Variants in STX8 observed in about 807,000 individuals in gnomAD.
STX8 encodes syntaxin-8.
A neutral mutation model predicts 37.5 loss-of-function variants in STX8; 23 were observed. The ratio of observed to expected loss-of-function variants is 0.61; its 90% CI spans 0.44 to 0.87. STX8 has a LOEUF of 0.87. Among genes scored for constraint, STX8 ranks in the 40% least tolerant of loss-of-function variants. STX8 has a pLI of 0.00. For missense variants in STX8, 313 were observed against 284.7 expected (o/e 1.10, Z -0.71); for synonymous variants, 115 against 99.1 (o/e 1.16, Z -0.95).
intron 6 of STX8, among the ~76,000 whole-genome samples, chr17:9,451,701 AT>A (rs955113443): frequency 5.3e-5 from 8 of 152,098 alleles, no homozygotes; most frequent in African/African-American, 1.9e-4. Context: ...AAGTTGCTAG[AT>A]TTTTCCAAAA....
chr17:9,506,134 A>G (rs1221536830), intron 4 of STX8, among the ~76,000 whole-genome samples: 1 of 151,930 alleles, frequency 6.6e-6, no homozygotes, highest in Non-Finnish European at 1.5e-5. Flanking sequence ...CTCGCTGTCT[A>G]AGGAACAGGA....
At chr17:9,542,823 G>A (rs1376880209) in intron 4 of STX8, among the ~76,000 whole-genome samples, 1 of 152,146 alleles carries the variant, frequency 6.6e-6, no homozygotes, top group African/African-American at 2.4e-5. Context: ...GTTCGGGTTG[G>A]AAAATTCTGA....
At chr17:9,511,428 A>G (rs1042980656) in intron 4 of STX8, among the ~76,000 whole-genome samples, 5 of 152,174 alleles carry the variant, frequency 3.3e-5, no homozygotes, top group Non-Finnish European at 5.9e-5. Context: ...AATTTATCCA[A>G]TGAATGCAGG....
At position 9,351,176 on chromosome 17, in the gene STX8, CTTT is replaced by C. The variant is rs71135970; in HGVS notation, c.643+27373_643+27375del. ...CATAATAATGTAGTGATTTCCTTGT[CTTT>C]TTTTTTTTTTTTTTTTTTTTGAGAC... On this transcript the variant is annotated intron_variant, in intron 7 of 7. Coordinates refer to ENST00000306357, the MANE Select transcript of STX8 (RefSeq NM_004853.3). Among the ~76,000 whole-genome samples, 46 of 99,802 alleles carry C rather than the reference CTTT, an allele frequency of 4.6e-4. No homozygotes were observed. In the East Asian group the frequency reaches 9.8e-3, roughly 21 times the overall value. The allele number at this position is 99,802 out of a possible 152,430, so 65.5% of individuals were successfully genotyped here.
chr17:9,385,701 G>T (rs984556707), intron 6 of STX8, among the ~76,000 whole-genome samples: 1 of 152,212 alleles, frequency 6.6e-6, no homozygotes, highest in African/African-American at 2.4e-5. Context: ...CGCTGTACAA[G>T]TATTTGTCAA....
At chr17:9,301,846 C>A (rs767605966) in intron 7 of STX8, among the ~76,000 whole-genome samples, 6 of 152,182 alleles carry the variant, frequency 3.9e-5, no homozygotes, top group Middle Eastern at 6.8e-3. Flanking sequence ...TTAGGTAGGG[C>A]ATTTTAGGGT....
intron 4 of STX8, among the ~76,000 whole-genome samples, chr17:9,515,991 C>T (rs1905146872): frequency 6.6e-6 from 1 of 152,090 alleles, no homozygotes; most frequent in South Asian, 2.1e-4. Flanking sequence ...TCCCAACTCT[C>T]ATATCATCTT....
At chr17:9,504,973 CAAAA>C (rs60041570) in intron 5 of STX8, 61 bp downstream of exon 5, 30 of 708,662 alleles carry the variant, frequency 4.2e-5, no homozygotes, top group South Asian at 2.2e-4. Flanking sequence ...GACTCCGTCT[CAAAA>C]AAAAAAAAAA....
At chr17:9,568,189 C>T (rs769851793) in intron 2 of STX8, among the ~76,000 whole-genome samples, 182 bp downstream of exon 2, 4 of 152,088 alleles carry the variant, frequency 2.6e-5, no homozygotes, top group Non-Finnish European at 5.9e-5. Context: ...ATGTGTTATG[C>T]CTCATTTAGT....
At chr17:9,574,394 T>TA (rs1457083490) in intron 1 of STX8, among the ~76,000 whole-genome samples, 7 of 151,448 alleles carry the variant, frequency 4.6e-5, no homozygotes, top group African/African-American at 9.7e-5. Flanking sequence ...AAATTCATTG[T>TA]AAAAAAATCA....
intron 7 of STX8, among the ~76,000 whole-genome samples, chr17:9,315,284 C>A (rs1034143435): frequency 7.6e-4 from 111 of 146,536 alleles, no homozygotes; most frequent in African/African-American, 2.7e-3. Flanking sequence ...GTTAAAAAAA[C>A]AAAAACAACA....
At chr17:9,279,273 T>C (rs1271472361) in intron 7 of STX8, among the ~76,000 whole-genome samples, 1 of 152,064 alleles carries the variant, frequency 6.6e-6, no homozygotes, top group Non-Finnish European at 1.5e-5. Flanking sequence ...GCCAGGCTGG[T>C]CTCGAACTCC....
At chr17:9,268,994 T>C (rs145891934) in intron 7 of STX8, among the ~76,000 whole-genome samples, 3,623 of 152,094 alleles carry the variant, frequency 0.024, 140 homozygotes, top group African/African-American at 0.081. Flanking sequence ...GAGACCATCC[T>C]GGCTAAAACG....
rs185244857 is a variant in STX8, at chr17:9,290,081, G to A, written c.644-39436C>T. Among the ~76,000 whole-genome samples the A allele has an allele frequency of 1.9e-3, 286 of 152,264 alleles. 2 individuals are homozygous for A. Among genetic ancestry groups the A allele is most frequent in the African/African-American group, 6.5e-3 (269 of 41,548 alleles). ...GCTTCTAGAATTGCAAGCAAATCGA[G>A]TCATGTCAGTACAAGTACATTATTT... On this transcript the variant is annotated intron_variant, in intron 7 of 7. Transcript: ENST00000306357.
At chr17:9,533,185 G>A (rs937164660) in intron 4 of STX8, among the ~76,000 whole-genome samples, 1 of 152,220 alleles carries the variant, frequency 6.6e-6, no homozygotes, top group Non-Finnish European at 1.5e-5. Flanking sequence ...ATTGCTTGCA[G>A]GCTGGTCACG....
intron 5 of STX8, among the ~76,000 whole-genome samples, chr17:9,499,652 C>T (rs1904540645): frequency 6.6e-6 from 1 of 152,206 alleles, no homozygotes; most frequent in African/African-American, 2.4e-5. Context: ...CTTGCCTCTG[C>T]CTCCCAAAGT....
intron 7 of STX8, among the ~76,000 whole-genome samples, chr17:9,318,685 C>T (rs1490535267): frequency 6.6e-6 from 1 of 152,130 alleles, no homozygotes; most frequent in Non-Finnish European, 1.5e-5. Flanking sequence ...CGAAGATAAA[C>T]TATTATTTAG....
Position 9,505,063 on chromosome 17 carries a change from C to T in STX8, c.423G>A (p.Arg141=). The T allele has an allele frequency of 6.2e-7, 1 of 1,612,144 alleles. No individual in the cohort carries two copies. The highest frequency in any genetic ancestry group is 1.1e-5 in the South Asian group (1 of 91,018). Residue 141 remains arginine, a synonymous_variant, in exon 5 of 8, where the codon CGG becomes CGA. Transcript: ENST00000306357. ...ETRGLGFDEI[R]QQQQKIIQEQ... is the part of the protein sequence containing the mutation. ...CTTGGATAATTTTCTGCTGCTGTTG[C>T]CGGATTTCATCAAAACCCAAGCCTC...
intron 7 of STX8, among the ~76,000 whole-genome samples, chr17:9,293,483 T>A (rs1352426842): frequency 1.3e-5 from 2 of 150,088 alleles, no homozygotes; most frequent in Admixed American, 1.3e-4. Context: ...TTTTTTTTTT[T>A]AATGAGAACA....
Sources: allele counts gnomAD v4.1 joint callset (sites outside exome capture counted in the v4.1 genomes callset), GRCh38; gene constraint gnomAD v4.1.1; transcripts MANE v1.5; gene names NCBI Gene and HGNC (gene_info 2026-07-23, HGNC 2026-07-21).